CHSY3: variants seen among roughly 807,000 people sequenced by gnomAD.
The protein encoded by CHSY3 is N-acetylgalactosaminyl-proteoglycan 3-beta-glucuronosyltransferase 3.
A neutral mutation model predicts 67.2 loss-of-function variants in CHSY3; 35 were observed. That is an observed-to-expected ratio of 0.52 (90% CI 0.40 to 0.69). CHSY3 has a LOEUF of 0.69. Among genes scored for constraint, CHSY3 ranks in the 30% least tolerant of loss-of-function variants. CHSY3 has a pLI of 0.00. For missense variants in CHSY3, 1,069 were observed against 1,138.5 expected, an observed-to-expected ratio of 0.94 and a Z score of 0.88; for synonymous variants, 474 against 434.7, an observed-to-expected ratio of 1.09 and a Z score of -1.12.
intron 2 of CHSY3, 130 bp from the exon 3 acceptor site, chr5:130,184,099 C>G (rs182769513): frequency 6.5e-6 from 5 of 769,100 alleles, no homozygotes; most frequent in East Asian, 6.8e-5. Context: ...TATTACAAAC[C>G]ATTTTTGTTA....
Position 129,914,614 on chromosome 5 carries a change from C to T in CHSY3, c.1086+6254C>T, listed in dbSNP as rs544265634. 1.2e-4 allele frequency among the ~76,000 whole-genome samples: 18 copies of T among 152,144 alleles called. No individual in the cohort carries two copies. In the South Asian group the frequency reaches 2.1e-3, roughly 18 times the overall value. ...AGTAAGCTTCTCACACCTACTCTTC[C>T]CACTCTCATCCCACTTGTCAGATGA... On this transcript the variant is annotated intron_variant, in intron 2 of 2. Coordinates refer to ENST00000305031, the MANE Select transcript of CHSY3 (RefSeq NM_175856.5).
chr5:129,970,491 G>T (rs868540517), intron 2 of CHSY3, among the ~76,000 whole-genome samples: 2 of 151,616 alleles, frequency 1.3e-5, no homozygotes, highest in African/African-American at 2.4e-5. Context: ...TTTACACAGA[G>T]ATCTTAAATG....
In CHSY3 at chr5:130,091,380, G is replaced by C. The variant is rs77934161; in HGVS notation, c.1087-92849G>C. On this transcript the variant is annotated intron_variant, in intron 2 of 2. Coordinates refer to ENST00000305031, the MANE Select transcript of CHSY3 (RefSeq NM_175856.5). Reference sequence around the variant, plus strand: ...ATTCTAAATGTAAACACAAGAATTTGAATTTCTACTTGGTAAAGAGAATTC... The same window carrying C: ...ATTCTAAATGTAAACACAAGAATTTCAATTTCTACTTGGTAAAGAGAATTC... Among the ~76,000 whole-genome samples, 543 of 152,222 alleles carry C rather than the reference G, an allele frequency of 3.6e-3. 2 individuals carry two copies. The highest frequency in any genetic ancestry group is 0.013 in the African/African-American group (522 of 41,542).
chr5:129,941,237 T>TTA (rs2149594782), intron 2 of CHSY3, among the ~76,000 whole-genome samples: 1 of 152,276 alleles, frequency 6.6e-6, no homozygotes, highest in Admixed American at 6.5e-5. Flanking sequence ...CAGTTTTAGC[T>TTA]TATAATGTTT....
chr5:130,116,712 T>C (rs1218898807), intron 2 of CHSY3, among the ~76,000 whole-genome samples: 1 of 152,218 alleles, frequency 6.6e-6, no homozygotes, highest in Non-Finnish European at 1.5e-5. Flanking sequence ...ATCTGTGTGC[T>C]ACTCACAGAA....
At chr5:130,022,030 T>G (rs1329635047) in intron 2 of CHSY3, among the ~76,000 whole-genome samples, 1 of 152,090 alleles carries the variant, frequency 6.6e-6, no homozygotes. Context: ...GGTCATTTGC[T>G]GGGAAGGTAG....
chr5:130,086,636 C>A (rs996396180), intron 2 of CHSY3, among the ~76,000 whole-genome samples: 1 of 151,874 alleles, frequency 6.6e-6, no homozygotes, highest in Admixed American at 6.6e-5. Context: ...ATAAATTCCT[C>A]GACACATACA....
intron 2 of CHSY3, among the ~76,000 whole-genome samples, chr5:129,917,610 A>G (rs753455566): frequency 3.3e-5 from 5 of 152,224 alleles, no homozygotes; most frequent in Non-Finnish European, 5.9e-5. Flanking sequence ...CTCTGCATAA[A>G]GGTTAACTAT....
At chr5:130,082,692 G>C (rs1766481512) in intron 2 of CHSY3, among the ~76,000 whole-genome samples, 1 of 151,942 alleles carries the variant, frequency 6.6e-6, no homozygotes, top group South Asian at 2.1e-4. Context: ...TCGGCATGGA[G>C]CAGGGATAGG....
intron 2 of CHSY3, among the ~76,000 whole-genome samples, chr5:130,122,179 A>T (rs976366675): frequency 2.0e-5 from 3 of 152,242 alleles, no homozygotes; most frequent in Non-Finnish European, 4.4e-5. Context: ...ATATACATAC[A>T]TACATGCATA....
At chr5:130,163,412 A>C (rs969079672) in intron 2 of CHSY3, among the ~76,000 whole-genome samples, 2 of 152,108 alleles carry the variant, frequency 1.3e-5, no homozygotes, top group Admixed American at 1.3e-4. Flanking sequence ...TTCACATTTC[A>C]TTTCTTTACA....
At chr5:130,161,989 A>C (rs534015946) in intron 2 of CHSY3, among the ~76,000 whole-genome samples, 242 of 145,998 alleles carry the variant, frequency 1.7e-3, no homozygotes, top group Non-Finnish European at 3.2e-3. Context: ...GCAGTGAGCC[A>C]AGATTGTGCC....
intron 2 of CHSY3, among the ~76,000 whole-genome samples, chr5:130,076,978 A>G (rs1286583373): frequency 1.3e-5 from 2 of 151,558 alleles, no homozygotes; most frequent in African/African-American, 4.9e-5. Flanking sequence ...GGATAGCATT[A>G]GGAGATATAC....
chr5:129,905,266 G>T lies in CHSY3; in HGVS notation c.437G>T (p.Arg146Ile). Residue 146 changes from arginine (R) to isoleucine (I), a missense_variant, in exon 1 of 3, where the codon AGA becomes ATA. This residue lies in a region of CHSY3 where 309 missense variants were observed against 262.5 expected (regional missense o/e 1.18). Coordinates refer to ENST00000305031, the MANE Select transcript of CHSY3 (RefSeq NM_175856.5). ...GACGGGGGCGCGGCTGGGCAGCGGA[G>T]AGACGGCCGGCCGGGGAGTAGCCAC... Reference protein sequence around the residue: ...EEDGGAAGQRRDGRPGSSHNG... With the variant: ...EEDGGAAGQRIDGRPGSSHNG... The T allele has an allele frequency of 1.4e-6, 2 of 1,455,418 alleles. No individual in the cohort carries two copies. Among genetic ancestry groups the T allele is most frequent in the South Asian group, 1.4e-5 (1 of 71,808 alleles). 90.2% of individuals were successfully genotyped at this position (1,455,418 alleles called of 1,614,324 possible).
intron 2 of CHSY3, among the ~76,000 whole-genome samples, chr5:130,075,282 G>C (rs953643314): frequency 6.6e-6 from 1 of 152,072 alleles, no homozygotes; most frequent in Admixed American, 6.6e-5. Context: ...TTTTTAGAAT[G>C]TTCTAGTGCT....
At chr5:130,050,833 C>T (rs1765320206) in intron 2 of CHSY3, among the ~76,000 whole-genome samples, 1 of 152,122 alleles carries the variant, frequency 6.6e-6, no homozygotes, top group Admixed American at 6.6e-5. Context: ...ATTGTTACCA[C>T]ATTCAGCTAC....
At chr5:129,912,477 T>C (rs1342672886) in intron 2 of CHSY3, among the ~76,000 whole-genome samples, 1 of 152,166 alleles carries the variant, frequency 6.6e-6, no homozygotes, top group Non-Finnish European at 1.5e-5. Context: ...TTCTGGCCTT[T>C]CTCTCAATAA....
At chr5:130,123,673 A>G (rs1300542763) in intron 2 of CHSY3, among the ~76,000 whole-genome samples, 1 of 152,144 alleles carries the variant, frequency 6.6e-6, no homozygotes, top group African/African-American at 2.4e-5. Flanking sequence ...TCTTTTGTGC[A>G]TTTGTGCATG....
chr5:130,109,237 C>T (rs1275746112), intron 2 of CHSY3, among the ~76,000 whole-genome samples: 1 of 151,602 alleles, frequency 6.6e-6, no homozygotes, highest in Non-Finnish European at 1.5e-5. Context: ...ACAAAATTGC[C>T]TCTTTAGATT....
Sources: allele counts gnomAD v4.1 joint callset (sites outside exome capture counted in the v4.1 genomes callset), GRCh38; gene constraint gnomAD v4.1.1; regional missense constraint gnomAD v4.1.1; transcripts MANE v1.5; gene names NCBI Gene and HGNC (gene_info 2026-07-23, HGNC 2026-07-21).